The following ATP2B4 variants were observed in gnomAD, a reference collection of about 807,000 sequenced individuals.
ATP2B4 encodes ATPase plasma membrane Ca2+ transporting 4.
Under a neutral mutation model 110.3 loss-of-function variants are expected in ATP2B4, and 39 were observed. The observed-to-expected ratio is 0.35, with a 90% CI of 0.27 to 0.46. The LOEUF (loss-of-function observed/expected upper bound fraction) is 0.46, where lower values mean the gene tolerates loss of function less well. ATP2B4 is among the 20% of genes least tolerant of loss of function. The pLI is 1.00. For missense variants in ATP2B4, 1,135 were observed against 1,530.9 expected, an observed-to-expected ratio of 0.74 and a Z score of 4.32; for synonymous variants, 538 against 571.7, an observed-to-expected ratio of 0.94 and a Z score of 0.84.
intron 2 of ATP2B4, among the ~76,000 whole-genome samples, chr1:203,684,877 GAGA>G (rs1184588779): frequency 6.6e-6 from 1 of 151,032 alleles, no homozygotes; most frequent in Non-Finnish European, 1.5e-5. Flanking sequence ...TTTTTGTTTT[GAGA>G]AGGAGTCTCA....
chr1:203,707,846 C>A lies in ATP2B4; in HGVS notation c.1315-16C>A. 6.2e-7 allele frequency: 1 copy of A among 1,612,352 alleles called. No homozygotes were observed. On this transcript the variant is annotated splice_polypyrimidine_tract_variant and intron_variant, in intron 9 of 20. Coordinates refer to ENST00000357681, the MANE Select transcript of ATP2B4 (RefSeq NM_001684.5). ...AGTTAGTCCCCCTCTCAAGTCTTTT[C>A]TCTTCTCCTTTGTAGAAAATGATGA... is the stretch of plus-strand genomic sequence containing the variant.
chr1:203,691,152 G>A lies in ATP2B4; in HGVS notation c.194-7005G>A, dbSNP rs556883780. On this transcript the variant is annotated intron_variant, in intron 2 of 20. Transcript: ENST00000357681. The stretch of plus-strand genomic sequence containing the variant: ...CTAAGGCTTCCCCAACCTGGAAGCA[G>A]GAGGCTTCCCCTTCCTGCTTTCTCT... Among the ~76,000 whole-genome samples, 135 of 152,304 alleles carry A rather than the reference G, an allele frequency of 8.9e-4. 1 individual carries two copies. The highest frequency in any genetic ancestry group is 3.1e-3 in the African/African-American group (129 of 41,566).
rs535633120 is a variant in ATP2B4 at position 203,689,795 on chromosome 1, T to C, written c.193+6397T>C. Among the ~76,000 whole-genome samples, 21 of 152,326 alleles carry C rather than the reference T, an allele frequency of 1.4e-4. No homozygotes were observed. In the South Asian group the frequency reaches 2.5e-3, roughly 18 times the overall value. On this transcript the variant is annotated intron_variant, in intron 2 of 20. Coordinates refer to ENST00000357681, the MANE Select transcript of ATP2B4 (RefSeq NM_001684.5). ...GAAGGCAATTTCAGAAATCTTGCCA[T>C]AGGGCTTCGATGAGGAAGAGCAGCG...
rs568950719 is a variant in ATP2B4, at chr1:203,740,733, C to T, written c.*879C>T. On this transcript the variant is annotated 3_prime_UTR_variant, in exon 21 of 21. Transcript: ENST00000357681. ...ATGAAGGTTGCATATGTGTGGTATA[C>T]AGTTTTTACCTGAAAGCCTGAGCTT... 6.6e-6 allele frequency: 1 copy of T among 152,260 alleles called. No homozygotes were observed. Among genetic ancestry groups the T allele is most frequent in the African/African-American group, 2.4e-5 (1 of 41,442 alleles). The allele number at this position is 152,260 out of a possible 1,614,324, so 9.4% of individuals were successfully genotyped here. A position where few individuals can be genotyped will look rare whatever the true frequency, so the allele number is the denominator to read the frequency against.
chr1:203,661,109 TA>T (rs751761105), intron 1 of ATP2B4, among the ~76,000 whole-genome samples: 185 of 137,866 alleles, frequency 1.3e-3, no homozygotes, highest in East Asian at 2.3e-3. Context: ...AAACTTTGTC[TA>T]AAAAAAAAAA....
At chr1:203,707,756 T>A (rs1242826288) in intron 9 of ATP2B4, 106 bp from the exon 10 acceptor site, 1 of 1,470,342 alleles carries the variant, frequency 6.8e-7, no homozygotes, top group African/African-American at 1.4e-5. Flanking sequence ...TGTGTGGGAC[T>A]GGAAGATGAA....
intron 1 of ATP2B4, chr1:203,657,813 C>T: frequency 1.9e-6 from 1 of 539,026 alleles, no homozygotes; most frequent in Non-Finnish European, 3.3e-6. Context: ...AAAACACTCT[C>T]AATTTTAAGG....
At chr1:203,650,156 A>C (rs1051353296) in intron 1 of ATP2B4, among the ~76,000 whole-genome samples, 1 of 152,206 alleles carries the variant, frequency 6.6e-6, no homozygotes, top group African/African-American at 2.4e-5. Flanking sequence ...GACATTTATC[A>C]AGCATGCCTG....
At chr1:203,649,503 C>T (rs1447459228) in intron 1 of ATP2B4, among the ~76,000 whole-genome samples, 1 of 152,012 alleles carries the variant, frequency 6.6e-6, no homozygotes, top group African/African-American at 2.4e-5. Context: ...TTAGGGTGGG[C>T]GTAGTGGTTC....
At chr1:203,736,473 A>C (rs1815589) in intron 20 of ATP2B4, among the ~76,000 whole-genome samples, 84,627 of 148,024 alleles carry the variant, frequency 0.57, 23,922 homozygotes, top group Admixed American at 0.68. Context: ...CATCCCCCCC[A>C]AAAAAAAAAA....
chr1:203,733,050 T>A (rs932000503), intron 20 of ATP2B4, among the ~76,000 whole-genome samples: 1 of 152,200 alleles, frequency 6.6e-6, no homozygotes, highest in African/African-American at 2.4e-5. Flanking sequence ...TTTCTCCTTC[T>A]CCTCACCATT....
intron 1 of ATP2B4, among the ~76,000 whole-genome samples, chr1:203,671,772 G>A (rs890400919): frequency 6.6e-5 from 10 of 152,216 alleles, no homozygotes; most frequent in African/African-American, 1.2e-4. Context: ...CTATGCAGAA[G>A]TAGCCCTTCA....
intron 19 of ATP2B4, among the ~76,000 whole-genome samples, chr1:203,724,867 GTTTTTTT>G (rs1031319768): frequency 3.8e-5 from 3 of 78,426 alleles, no homozygotes; most frequent in South Asian, 4.0e-4. Flanking sequence ...CCAGCTCTCT[GTTTTTTT>G]TTTTTTTTTT....
At position 203,629,886 on chromosome 1, in the gene ATP2B4, C is replaced by T. The variant is rs930121205; in HGVS notation, c.-465+2667C>T. ...AGCCTGGGATGTTAGAGCGCTGGGT[C>T]AAGGCATGTTGAGAGAAGCACGGGC... is the stretch of plus-strand genomic sequence containing the variant. On this transcript the variant is annotated intron_variant, in intron 1 of 20. Coordinates refer to ENST00000357681, the MANE Select transcript of ATP2B4 (RefSeq NM_001684.5). The surrounding 1 kb of genome is among the most constrained non-coding windows in gnomAD (Gnocchi z 4.6). Among the ~76,000 whole-genome samples, 26 of 152,238 alleles carry T rather than the reference C, an allele frequency of 1.7e-4. No homozygotes were observed. The highest frequency in any genetic ancestry group is 5.5e-4 in the African/African-American group (23 of 41,548).
At chr1:203,717,518 A>G (rs1666191133) in intron 15 of ATP2B4, among the ~76,000 whole-genome samples, 1 of 152,006 alleles carries the variant, frequency 6.6e-6, no homozygotes, top group Non-Finnish European at 1.5e-5. Context: ...GTTGTTTTTA[A>G]TAGCTTTCTT....
intron 20 of ATP2B4, among the ~76,000 whole-genome samples, chr1:203,732,535 A>T (rs1394304906): frequency 6.6e-6 from 1 of 152,148 alleles, no homozygotes; most frequent in Non-Finnish European, 1.5e-5. Flanking sequence ...GGGTCTTTCC[A>T]TCATGGCCAT....
intron 1 of ATP2B4, among the ~76,000 whole-genome samples, chr1:203,655,687 A>G (rs1664139632): frequency 6.6e-6 from 1 of 152,124 alleles, no homozygotes; most frequent in Admixed American, 6.5e-5. Flanking sequence ...AAACAAAAGG[A>G]AGAAAAGGAA....
intron 3 of ATP2B4, among the ~76,000 whole-genome samples, chr1:203,698,625 T>TTTTA (rs1373708690): frequency 2.0e-5 from 3 of 151,026 alleles, no homozygotes; most frequent in Non-Finnish European, 4.4e-5. Flanking sequence ...TTTTAAGACA[T>TTTTA]TTTATTTATT....
chr1:203,736,424 C>A (rs570397996), intron 20 of ATP2B4, among the ~76,000 whole-genome samples: 1 of 151,946 alleles, frequency 6.6e-6, no homozygotes, highest in African/African-American at 2.4e-5. Context: ...GCTGAGATCA[C>A]GCCATTGCAC....
Sources: allele counts gnomAD v4.1 joint callset (sites outside exome capture counted in the v4.1 genomes callset), GRCh38; gene constraint gnomAD v4.1.1; non-coding constraint Gnocchi (gnomAD v3.1); transcripts MANE v1.5; gene names NCBI Gene and HGNC (gene_info 2026-07-23, HGNC 2026-07-21).